The following TRIM62 variants were observed in gnomAD, a reference collection of about 807,000 sequenced individuals.
The protein encoded by TRIM62 is E3 ubiquitin-protein ligase TRIM62.
A neutral mutation model predicts 44.2 loss-of-function variants in TRIM62; 39 were observed. The ratio of observed to expected loss-of-function variants is 0.88; its 90% CI spans 0.68 to 1.15. The LOEUF is 1.15. Ranked by LOEUF, TRIM62 falls within the 50% of genes most tolerant of loss-of-function variation. The pLI is 0.00. For missense variants in TRIM62, 544 were observed against 665.5 expected (o/e 0.82, Z 2.01); for synonymous variants, 278 against 292.3 (o/e 0.95, Z 0.50).
Position 33,147,249 on chromosome 1 carries a change from G to T in TRIM62, c.1356C>A (p.Tyr452Ter), listed in dbSNP as rs1307637218. Residue 452 changes from tyrosine (Y) to a stop codon, truncating the protein, a stop_gained, in exon 5 of 5, where the codon TAC becomes TAA. Transcript: ENST00000291416. LOFTEE classifies it high-confidence loss of function. This position sits in a 1 kb window ranked among gnomAD's most constrained non-coding sequence, Gnocchi z 8.1. ...REKFPGKLCS[Y>*]FSPGQSHANG... ...TGGCGTGGCTCTGGCCAGGGCTGAA[G>T]TAAGAGCAGAGCTTGCCAGGGAACT... The T allele has an allele frequency of 1.9e-6, 3 of 1,613,942 alleles. No individual in the cohort carries two copies. Among genetic ancestry groups the T allele is most frequent in the Non-Finnish European group, 2.5e-6 (3 of 1,180,042 alleles).
intron 1 of TRIM62, among the ~76,000 whole-genome samples, chr1:33,170,766 C>T (rs1241794125): frequency 6.6e-6 from 1 of 152,190 alleles, no homozygotes; most frequent in East Asian, 1.9e-4. Flanking sequence ...CTGGCTCTAC[C>T]ACCCATTGGG....
intron 1 of TRIM62, among the ~76,000 whole-genome samples, chr1:33,174,945 G>GTATATATATATATATATATA: frequency 7.1e-6 from 1 of 141,742 alleles, no homozygotes; most frequent in East Asian, 2.1e-4. Context: ...ATATATGTGT[G>GTATATATATATATATATATA]TATATATATA....
rs541774858 is a variant in TRIM62 at position 33,150,612 on chromosome 1, C to T, written c.878-2885G>A. Among the ~76,000 whole-genome samples, 15 of 152,298 alleles carry T rather than the reference C, an allele frequency of 9.8e-5. No homozygotes were observed. The East Asian group carries it at 1.4e-3, about 14-fold the overall frequency. On this transcript the variant is annotated intron_variant, in intron 4 of 4. Transcript: ENST00000291416. Reference sequence around the variant, plus strand: ...TAGAAGACGGGGAACCAAGAGAGGACGGCCACTGAGTTGGTGGCTGGATGT... The same window carrying T: ...TAGAAGACGGGGAACCAAGAGAGGATGGCCACTGAGTTGGTGGCTGGATGT...
At position 33,147,591 on chromosome 1, in the gene TRIM62, C is replaced by T. The variant is rs759632008; in HGVS notation, c.1014G>A (p.Val338=). ...QDSPKRFDVE[V]SVLGSEAFSS... Reference sequence around the variant, plus strand: ...TGAAGGCTTCAGAACCCAGCACCGACACCTCCACATCGAAGCGCTTTGGCG... The same window carrying T: ...TGAAGGCTTCAGAACCCAGCACCGATACCTCCACATCGAAGCGCTTTGGCG... Residue 338 remains valine (V), a synonymous_variant, in exon 5 of 5, where the codon GTG becomes GTA. Transcript: ENST00000291416. This position sits in a 1 kb window ranked among gnomAD's most constrained non-coding sequence, Gnocchi z 8.1. 2.5e-6 allele frequency: 4 copies of T among 1,613,860 alleles called. No individual in the cohort carries two copies. The highest frequency in any genetic ancestry group is 1.1e-5 in the South Asian group (1 of 91,074).
intron 4 of TRIM62, among the ~76,000 whole-genome samples, chr1:33,154,603 C>G (rs113202797): frequency 1.5e-4 from 22 of 147,060 alleles, no homozygotes; most frequent in East Asian, 1.0e-3. Context: ...TTCAAGACCA[C>G]CCTGGCCAAC....
In TRIM62 at chr1:33,165,553, T is replaced by C; in HGVS notation, c.422A>G (p.Asp141Gly). 5.0e-6 allele frequency: 8 copies of C among 1,608,306 alleles called. No homozygotes were observed. The highest frequency in any genetic ancestry group is 6.8e-6 in the Non-Finnish European group (8 of 1,177,032). The change falls in exon 2 of 5, where the codon GAC (aspartate) becomes GGC (glycine). Residue 141 changes from aspartate (D) to glycine (G), a missense_variant. Physicochemically the swap from Asp to Gly is moderately conservative, Grantham distance 94. Coordinates refer to ENST00000291416, the MANE Select transcript of TRIM62 (RefSeq NM_018207.3). This position sits in a 1 kb window ranked among gnomAD's most constrained non-coding sequence, Gnocchi z 4.0. ...AFDELQRELK[D>G]QLQALQDSER... ...GCTGTCTTGAAGGGCCTGAAGTTGG[T>C]CCTTCAGCTCCCTCTGAAACACACA...
In TRIM62 at chr1:33,177,103, GCA is replaced by G. The variant is rs771243263; in HGVS notation, c.408+3920_408+3921del. 8.6e-5 allele frequency among the ~76,000 whole-genome samples: 13 copies of G among 150,778 alleles called. No homozygotes were observed. The highest frequency in any genetic ancestry group is 5.9e-4 in the East Asian group (3 of 5,128). On this transcript the variant is annotated intron_variant, in intron 1 of 4. Coordinates refer to ENST00000291416, the MANE Select transcript of TRIM62 (RefSeq NM_018207.3). The surrounding 1 kb of genome is among the most constrained non-coding windows in gnomAD (Gnocchi z 4.1). ...CATGCATGCACAAATGCACACACAT[GCA>G]CACACACATGCATGTACGCATGCAC...
At chr1:33,173,019 G>C (rs1396576620) in intron 1 of TRIM62, among the ~76,000 whole-genome samples, 4 of 152,158 alleles carry the variant, frequency 2.6e-5, no homozygotes, top group Non-Finnish European at 4.4e-5. Context: ...CCATGTCTGG[G>C]TACTGCTCTC....
At position 33,165,158 on chromosome 1, in the gene TRIM62, G is replaced by A. The variant is rs572033059; in HGVS notation, c.504+313C>T. 3.6e-4 allele frequency: 89 copies of A among 246,710 alleles called. No homozygotes were observed. Among genetic ancestry groups the A allele is most frequent in the Non-Finnish European group, 6.1e-4 (77 of 126,560 alleles). 15.3% of individuals were successfully genotyped at this position (246,710 alleles called of 1,614,324 possible). ...CATTCCCCAGCCCTTCAGGAGGCAG[G>A]GGGTTTCCGGAGGGTCCCGGGACCC... On this transcript the variant is annotated intron_variant, in intron 2 of 4. Transcript: ENST00000291416. The surrounding 1 kb of genome is among the most constrained non-coding windows in gnomAD (Gnocchi z 4.0).
rs535760752 is a variant in TRIM62 at position 33,165,136 on chromosome 1, T to A, written c.504+335A>T. 1.8e-4 allele frequency: 38 copies of A among 214,624 alleles called. No individual in the cohort carries two copies. Among genetic ancestry groups the A allele is most frequent in the African/African-American group, 8.3e-4 (36 of 43,496 alleles). 13.3% of individuals were successfully genotyped at this position (214,624 alleles called of 1,614,324 possible). A position where few individuals can be genotyped will look rare whatever the true frequency, so the allele number is the denominator to read the frequency against. ...GAGAGGAGAAAGAGACTGAGCACAT[T>A]CCCCAGCCCTTCAGGAGGCAGGGGG... On this transcript the variant is annotated intron_variant, in intron 2 of 4. Transcript: ENST00000291416. The surrounding 1 kb of genome is among the most constrained non-coding windows in gnomAD (Gnocchi z 4.0).
chr1:33,156,556 T>TC (rs1645181654), intron 4 of TRIM62, among the ~76,000 whole-genome samples: 1 of 152,136 alleles, frequency 6.6e-6, no homozygotes, highest in African/African-American at 2.4e-5. Flanking sequence ...CTTGGCTGGG[T>TC]CCCCCTCTTG....
At position 33,167,510 on chromosome 1, in the gene TRIM62, C is replaced by T. The variant is rs746366222; in HGVS notation, c.409-1944G>A. Among the ~76,000 whole-genome samples, 5 of 152,150 alleles carry T rather than the reference C, an allele frequency of 3.3e-5. No individual in the cohort carries two copies. The highest frequency in any genetic ancestry group is 7.2e-5 in the African/African-American group (3 of 41,426). ...CTCCTGTCTGTCTCTTCTTCGTCCC[C>T]GTATTGGCCCACAAGTCCTCCAGGG... On this transcript the variant is annotated intron_variant, in intron 1 of 4. Coordinates refer to ENST00000291416, the MANE Select transcript of TRIM62 (RefSeq NM_018207.3). This position sits in a 1 kb window ranked among gnomAD's most constrained non-coding sequence, Gnocchi z 4.2.
intron 1 of TRIM62, among the ~76,000 whole-genome samples, chr1:33,169,992 G>A (rs2124744406): frequency 6.6e-6 from 1 of 152,246 alleles, no homozygotes; most frequent in South Asian, 2.1e-4. Flanking sequence ...GTACCCTGAT[G>A]GCACACACTG....
At chr1:33,176,425 G>C (rs896870747) in intron 1 of TRIM62, 2 of 698,050 alleles carry the variant, frequency 2.9e-6, no homozygotes, top group Non-Finnish European at 5.2e-6. Flanking sequence ...TGCGTCCAAG[G>C]CTGATCCACT....
rs1024526107 is a variant in TRIM62 at position 33,177,552 on chromosome 1, C to T, written c.408+3473G>A. On this transcript the variant is annotated intron_variant, in intron 1 of 4. Coordinates refer to ENST00000291416, the MANE Select transcript of TRIM62 (RefSeq NM_018207.3). This position sits in a 1 kb window ranked among gnomAD's most constrained non-coding sequence, Gnocchi z 4.1. ...GCTTCACAGAGGAGGTGATATTTGA[C>T]CTGAAGTTTTAAAGTTCAGTGGGAC... Among the ~76,000 whole-genome samples the T allele has an allele frequency of 3.3e-5, 5 of 152,128 alleles. No individual in the cohort carries two copies. The highest frequency in any genetic ancestry group is 2.6e-4 in the Admixed American group (4 of 15,272).
Position 33,177,079 on chromosome 1 carries a change from ATG to A in TRIM62, c.408+3944_408+3945del, listed in dbSNP as rs1436806546. Among the ~76,000 whole-genome samples, 37 of 145,510 alleles carry A rather than the reference ATG, an allele frequency of 2.5e-4. No homozygotes were observed. Among genetic ancestry groups the A allele is most frequent in the East Asian group, 1.4e-3 (7 of 5,028 alleles). ...CACACACACACATGCACACACACAC[ATG>A]CATGCACAAATGCACACACATGCAC... On this transcript the variant is annotated intron_variant, in intron 1 of 4. Coordinates refer to ENST00000291416, the MANE Select transcript of TRIM62 (RefSeq NM_018207.3). The surrounding 1 kb of genome is among the most constrained non-coding windows in gnomAD (Gnocchi z 4.1).
intron 2 of TRIM62, among the ~76,000 whole-genome samples, chr1:33,160,253 G>A (rs946387440): frequency 2.0e-5 from 3 of 152,120 alleles, no homozygotes; most frequent in African/African-American, 7.2e-5. Context: ...TGCTGTGTTG[G>A]CTAGAGGGGT....
Position 33,159,756 on chromosome 1 carries a change from G to T in TRIM62, c.693C>A (p.Ile231=). 1 of 1,613,458 alleles carries T rather than the reference G, an allele frequency of 6.2e-7. No individual in the cohort carries two copies. The highest frequency in any genetic ancestry group is 8.5e-7 in the Non-Finnish European group (1 of 1,179,958). ...QLRKVQEGAQ[I]LQERLAETDR... ...CGGTTTCAGCCAGCCGCTCCTGCAG[G>T]ATCTGGGCTCCCTCCTGGACCTTGC... The change falls in exon 3 of 5, where the codon ATC becomes ATA. Residue 231 remains isoleucine, a synonymous_variant. Coordinates refer to ENST00000291416, the MANE Select transcript of TRIM62 (RefSeq NM_018207.3). The surrounding 1 kb of genome is among the most constrained non-coding windows in gnomAD (Gnocchi z 4.2).
chr1:33,171,707 G>A (rs1239777724), intron 1 of TRIM62, among the ~76,000 whole-genome samples: 1 of 152,196 alleles, frequency 6.6e-6, no homozygotes, highest in African/African-American at 2.4e-5. Flanking sequence ...ATCCAGAACA[G>A]CTGACAACAC....
Sources: gnomAD v4.1 joint callset for allele counts (sites outside exome capture counted in the v4.1 genomes callset) on GRCh38, gnomAD v4.1.1 for gene constraint, Gnocchi (gnomAD v3.1) non-coding constraint, MANE v1.5 for transcripts, NCBI Gene and HGNC (gene_info 2026-07-23, HGNC 2026-07-21) for gene names.